Variants in XYLB observed in about 807,000 individuals in gnomAD.
The protein encoded by XYLB is xylulokinase, also known as xylulose kinase.
XYLB carries 62 observed loss-of-function variants against 78.7 expected under a neutral mutation model. The ratio of observed to expected loss-of-function variants is 0.79; its 90% CI spans 0.64 to 0.97. XYLB has a LOEUF of 0.97. XYLB is among the 50% of genes least tolerant of loss of function. The probability of loss-of-function intolerance (pLI) is 0.00; values close to 1 mark genes in which losing one functional copy is unlikely to be tolerated. For synonymous variants in XYLB, 245 were observed against 247.4 expected, an observed-to-expected ratio of 0.99 and a Z score of 0.09; for missense variants, 687 against 676.8, an observed-to-expected ratio of 1.02 and a Z score of -0.17.
intron 9 of XYLB, chr3:38,370,397 T>G: frequency 2.4e-6 from 1 of 423,614 alleles, no homozygotes; most frequent in Non-Finnish European, 4.2e-6. Context: ...ACATGCCTTA[T>G]GGTCAGCGGG....
chr3:38,401,415 C>A (rs1708120033), intron 18 of XYLB, among the ~76,000 whole-genome samples: 1 of 152,102 alleles, frequency 6.6e-6, no homozygotes, highest in African/African-American at 2.4e-5. Flanking sequence ...TTGGGTCCCT[C>A]AGAAAGCAGA....
chr3:38,403,980 G>C (rs1281881064), intron 18 of XYLB, among the ~76,000 whole-genome samples: 1 of 152,148 alleles, frequency 6.6e-6, no homozygotes, highest in Admixed American at 6.5e-5. Flanking sequence ...GACTGAATTT[G>C]TGGACTAGAG....
At chr3:38,352,132 T>G (rs1705398085) in intron 2 of XYLB, among the ~76,000 whole-genome samples, 1 of 152,158 alleles carries the variant, frequency 6.6e-6, no homozygotes, top group Admixed American at 6.5e-5. Context: ...AATTTTATAT[T>G]GTTAACAGGC....
Position 38,400,895 on chromosome 3 carries a change from T to G in XYLB, c.1443T>G (p.Leu481=). 1 of 1,613,986 alleles carries G rather than the reference T, an allele frequency of 6.2e-7. No individual in the cohort carries two copies. Among genetic ancestry groups the G allele is most frequent in the Non-Finnish European group, 8.5e-7 (1 of 1,179,972 alleles). ...GAAGTGACCTTTCCCTTCTAGGTCT[T>G]GCAGGTGGAACAGATGTGCCCTTTT... The part of the protein sequence containing the change: ...VGSAYRAFHG[L]AGGTDVPFSE... The change falls in exon 18 of 19, where the codon CTT becomes CTG. Residue 481 remains leucine, a synonymous_variant. Transcript: ENST00000207870.
the XYLB span, among the ~76,000 whole-genome samples, chr3:38,449,900 G>A: frequency 6.6e-6 from 1 of 152,208 alleles, no homozygotes; most frequent in Non-Finnish European, 1.5e-5. Context: ...TTCTACCCAA[G>A]CCAATTCATT....
chr3:38,411,228 T>C (rs1192111345), intron 18 of XYLB, among the ~76,000 whole-genome samples: 1 of 152,134 alleles, frequency 6.6e-6, no homozygotes, highest in African/African-American at 2.4e-5. Flanking sequence ...ATGTCCTTTG[T>C]AGGGACATGG....
At position 38,346,805 on chromosome 3, in the gene XYLB, G is replaced by C; in HGVS notation, c.-64G>C. ...CCTGCGTCTCTGGGCGCTGGAGCGC[G>C]GCGACTATCACGCCGCGTGGCGGAC... On this transcript the variant is annotated 5_prime_UTR_variant, in exon 1 of 19. Transcript: ENST00000207870. 1.4e-6 allele frequency: 2 copies of C among 1,438,460 alleles called. No homozygotes were observed. Among genetic ancestry groups the C allele is most frequent in the African/African-American group, 1.5e-5 (1 of 67,690 alleles). 89.1% of individuals were successfully genotyped at this position (1,438,460 alleles called of 1,614,324 possible).
At chr3:38,441,470 G>A in the XYLB span, among the ~76,000 whole-genome samples, 6 of 152,198 alleles carry the variant, frequency 3.9e-5, no homozygotes, top group African/African-American at 1.2e-4. Context: ...GGACTTCTAA[G>A]AGATCCTCTC....
At chr3:38,353,903 G>T (rs894192854) in intron 2 of XYLB, among the ~76,000 whole-genome samples, 4 of 100,492 alleles carry the variant, frequency 4.0e-5, no homozygotes, top group African/African-American at 1.3e-4. Flanking sequence ...AAAAAAAAAA[G>T]AAGTCCATCT....
chr3:38,433,904 G>T, the XYLB span, among the ~76,000 whole-genome samples: 3 of 152,164 alleles, frequency 2.0e-5, no homozygotes, highest in Admixed American at 6.5e-5. Context: ...CTATTAGGCT[G>T]TTCTCAAGCT....
chr3:38,421,471 A>C (rs1255091382), downstream of XYLB: 2 of 152,264 alleles, frequency 1.3e-5, no homozygotes, highest in African/African-American at 4.8e-5. Flanking sequence ...GAAAAGGAGG[A>C]GTGAACGTTA....
chr3:38,426,022 A>G (rs1207467596), downstream of XYLB, among the ~76,000 whole-genome samples: 2 of 152,202 alleles, frequency 1.3e-5, no homozygotes, highest in Non-Finnish European at 2.9e-5. Context: ...TGTGCATATT[A>G]TTACTGAAAT....
chr3:38,416,753 C>T (rs1270567615), downstream of XYLB, among the ~76,000 whole-genome samples: 1 of 152,074 alleles, frequency 6.6e-6, no homozygotes, highest in Non-Finnish European at 1.5e-5. Context: ...TGCTAAAAGC[C>T]ACAATTCACA....
chr3:38,352,141 G>T (rs1386650318), intron 2 of XYLB, among the ~76,000 whole-genome samples: 1 of 150,726 alleles, frequency 6.6e-6, no homozygotes, highest in East Asian at 2.0e-4. Flanking sequence ...TTGTTAACAG[G>T]CATTACATTG....
Position 38,379,352 on chromosome 3 carries a change from C to A in XYLB, c.1291+10C>A. ...CTGGGCTATCGAGTCAGTAAGTGAG[C>A]CACTGGCAGCATGTGTCCCGGGGTG... On this transcript the variant is annotated intron_variant, in intron 15 of 18. Coordinates refer to ENST00000207870, the MANE Select transcript of XYLB (RefSeq NM_005108.4). The A allele has an allele frequency of 2.5e-6, 4 of 1,613,776 alleles. No individual in the cohort carries two copies. Among genetic ancestry groups the A allele is most frequent in the Non-Finnish European group, 3.4e-6 (4 of 1,179,810 alleles).
At chr3:38,381,524 A>C (rs1707145428) in intron 15 of XYLB, among the ~76,000 whole-genome samples, 1 of 152,226 alleles carries the variant, frequency 6.6e-6, no homozygotes, top group Non-Finnish European at 1.5e-5. Context: ...GGCAGAACAG[A>C]ACCATGTTTC....
At chr3:38,410,459 A>C (rs1174161192) in intron 18 of XYLB, among the ~76,000 whole-genome samples, 5 of 152,042 alleles carry the variant, frequency 3.3e-5, no homozygotes, top group Non-Finnish European at 5.9e-5. Flanking sequence ...ATTACCATTC[A>C]GGACAGAGGC....
chr3:38,353,311 T>C (rs1349624134), intron 2 of XYLB, among the ~76,000 whole-genome samples: 1 of 152,184 alleles, frequency 6.6e-6, no homozygotes, highest in African/African-American at 2.4e-5. Flanking sequence ...TTTTATTTAA[T>C]TTATTTTTTT....
chr3:38,382,710 C>T (rs962582059), intron 15 of XYLB, among the ~76,000 whole-genome samples: 4 of 152,126 alleles, frequency 2.6e-5, no homozygotes, highest in Admixed American at 6.5e-5. Context: ...AGAAGAGAAC[C>T]CCAGGGAACG....
Sources: allele counts gnomAD v4.1 joint callset (sites outside exome capture counted in the v4.1 genomes callset), GRCh38; gene constraint gnomAD v4.1.1; transcripts MANE v1.5; gene names NCBI Gene and HGNC (gene_info 2026-07-23, HGNC 2026-07-21).